PSD3: variants seen among roughly 807,000 people sequenced by gnomAD.
The protein encoded by PSD3 is pleckstrin and Sec7 domain containing 3, also known as PH and SEC7 domain-containing protein 3.
Under a neutral mutation model 105.5 loss-of-function variants are expected in PSD3, and 49 were observed. The observed-to-expected ratio is 0.46, with a 90% CI of 0.37 to 0.59. PSD3 has a LOEUF of 0.59. Ranked by LOEUF, PSD3 falls within the 20% of genes least tolerant of loss-of-function variation. PSD3 has a pLI of 0.00. For missense variants in PSD3, 1,561 were observed against 1,263.8 expected, an observed-to-expected ratio of 1.24 and a Z score of -3.57; for synonymous variants, 557 against 457.8, an observed-to-expected ratio of 1.22 and a Z score of -2.77.
chr8:18,886,700 G>A (rs1348514988), intron 2 of PSD3, among the ~76,000 whole-genome samples: 2 of 152,180 alleles, frequency 1.3e-5, no homozygotes, highest in Non-Finnish European at 2.9e-5. Flanking sequence ...TTAAAAAGAA[G>A]CAAGCTAATT....
chr8:18,592,218 G>A (rs954949412), intron 12 of PSD3, among the ~76,000 whole-genome samples: 2 of 152,110 alleles, frequency 1.3e-5, no homozygotes, highest in African/African-American at 4.8e-5. Context: ...ATATTTTCAA[G>A]CTGAAGAATA....
chr8:18,684,102 C>T (rs567219431), intron 9 of PSD3: 199 of 560,070 alleles, frequency 3.6e-4, no homozygotes, highest in African/African-American at 3.4e-3. Flanking sequence ...GCATCTTCAA[C>T]TACCCTGTTT....
intron 2 of PSD3, among the ~76,000 whole-genome samples, chr8:18,902,680 T>C (rs2129461137): frequency 6.6e-6 from 1 of 152,286 alleles, no homozygotes; most frequent in Admixed American, 6.5e-5. Flanking sequence ...ACTTTGACCT[T>C]CAGTAGGGTT....
rs577287237 is a variant in PSD3 at position 18,972,961 on chromosome 8, C to T, written c.22-36819G>A. 2.1e-4 allele frequency among the ~76,000 whole-genome samples: 32 copies of T among 152,286 alleles called. No homozygotes were observed. In the South Asian group the frequency reaches 6.4e-3, roughly 31 times the overall value. On this transcript the variant is annotated intron_variant, in intron 1 of 15. Coordinates refer to ENST00000327040, the MANE Select transcript of PSD3 (RefSeq NM_015310.4). ...TTTTAAAAAAATGATTTTCTAGATT[C>T]TGAAACAAATAAAAGCTGAAATTAA...
At chr8:18,875,407 G>C (rs1307668108) in intron 2 of PSD3, among the ~76,000 whole-genome samples, 1 of 151,784 alleles carries the variant, frequency 6.6e-6, no homozygotes, top group East Asian at 1.9e-4. Flanking sequence ...CTTCTTCCTA[G>C]GGTGGAATAT....
intron 14 of PSD3, among the ~76,000 whole-genome samples, chr8:18,560,773 A>C (rs1801347728): frequency 6.6e-6 from 1 of 152,206 alleles, no homozygotes; most frequent in Admixed American, 6.5e-5. Flanking sequence ...CAAAGCAATT[A>C]AAAAATGGGC....
intron 2 of PSD3, among the ~76,000 whole-genome samples, chr8:18,901,824 C>T (rs142197175): frequency 0.046 from 7,018 of 152,228 alleles, 202 homozygotes; most frequent in Admixed American, 0.08. Context: ...GGCAGTATTT[C>T]TCTTTCAGCT....
At chr8:18,957,167 T>C (rs963960178) in intron 1 of PSD3, among the ~76,000 whole-genome samples, 1 of 151,868 alleles carries the variant, frequency 6.6e-6, no homozygotes, top group Non-Finnish European at 1.5e-5. Context: ...GTCAAAGAGA[T>C]TGAGACCATC....
Position 18,529,342 on chromosome 8 carries a change from C to T in PSD3, c.*6401G>A, listed in dbSNP as rs951320352. ...TGCAGTTTCCACCCCCTCTGTTCAT[C>T]ACCTCTTTAGAATATTCTGGCTCTT... On this transcript the variant is annotated 3_prime_UTR_variant, in exon 16 of 16. Transcript: ENST00000327040. The T allele has an allele frequency of 1.3e-5, 2 of 152,214 alleles. No individual in the cohort carries two copies. Among genetic ancestry groups the T allele is most frequent in the African/African-American group, 4.8e-5 (2 of 41,454 alleles). The allele number at this position is 152,214 out of a possible 1,614,324, so 9.4% of individuals were successfully genotyped here.
chr8:18,538,543 T>C lies in PSD3; in HGVS notation c.2929-2585A>G, dbSNP rs116249108. On this transcript the variant is annotated intron_variant, in intron 15 of 15. Coordinates refer to ENST00000327040, the MANE Select transcript of PSD3 (RefSeq NM_015310.4). The stretch of plus-strand genomic sequence containing the variant: ...CCAACAGAAACAAAGTTTGGTAAAA[T>C]AGTCTAAAGGTAAGTTTAAAAATAG... Among the ~76,000 whole-genome samples the C allele has an allele frequency of 4.3e-3, 653 of 152,158 alleles. 6 individuals carry two copies. Among genetic ancestry groups the C allele is most frequent in the African/African-American group, 0.014 (600 of 41,510 alleles).
chr8:19,050,977 C>T (rs1032030360), intron 1 of PSD3, among the ~76,000 whole-genome samples: 2 of 152,176 alleles, frequency 1.3e-5, no homozygotes, highest in African/African-American at 4.8e-5. Flanking sequence ...AGAGAGTTTG[C>T]TTAAGATCTG....
At chr8:18,882,955 A>G (rs1818214842) in intron 2 of PSD3, among the ~76,000 whole-genome samples, 1 of 152,144 alleles carries the variant, frequency 6.6e-6, no homozygotes, top group African/African-American at 2.4e-5. Context: ...CTGTCTATAC[A>G]CAGAGAACAT....
intron 4 of PSD3, among the ~76,000 whole-genome samples, chr8:18,821,549 A>C (rs1812703406): frequency 6.6e-6 from 1 of 152,028 alleles, no homozygotes; most frequent in Non-Finnish European, 1.5e-5. Flanking sequence ...AGTTTTTCCT[A>C]ACAAAACTGA....
chr8:18,796,757 G>A (rs780335800), intron 8 of PSD3, among the ~76,000 whole-genome samples: 6 of 152,156 alleles, frequency 3.9e-5, no homozygotes, highest in Non-Finnish European at 5.9e-5. Context: ...GAAAGATCAT[G>A]CTGCAGTATT....
intron 9 of PSD3, among the ~76,000 whole-genome samples, chr8:18,712,198 C>T (rs1460395625): frequency 6.6e-6 from 1 of 151,962 alleles, no homozygotes; most frequent in East Asian, 1.9e-4. Flanking sequence ...AACAACCTAA[C>T]ATCACAACTA....
intron 9 of PSD3, among the ~76,000 whole-genome samples, chr8:18,677,887 G>A (rs973801281): frequency 2.0e-5 from 3 of 151,956 alleles, no homozygotes; most frequent in Admixed American, 6.5e-5. Context: ...GCGGGTGCCT[G>A]TAGTCCCAGC....
At chr8:18,718,072 G>A (rs1270730933) in intron 9 of PSD3, among the ~76,000 whole-genome samples, 1 of 152,132 alleles carries the variant, frequency 6.6e-6, no homozygotes, top group African/African-American at 2.4e-5. Flanking sequence ...ACATTCGGCA[G>A]AAATGGAATT....
intron 4 of PSD3, among the ~76,000 whole-genome samples, chr8:18,820,794 T>TG (rs1325808207): frequency 6.6e-6 from 1 of 152,186 alleles, no homozygotes; most frequent in East Asian, 1.9e-4. Flanking sequence ...GACAGCATCC[T>TG]GCTCTATCAC....
At chr8:18,673,564 G>A (rs1002566993) in intron 9 of PSD3, among the ~76,000 whole-genome samples, 5 of 152,072 alleles carry the variant, frequency 3.3e-5, no homozygotes, top group East Asian at 1.9e-4. Flanking sequence ...TTCTATCTCC[G>A]GCACAGCTGT....
Sources: gnomAD v4.1 joint callset for allele counts (sites outside exome capture counted in the v4.1 genomes callset) on GRCh38, gnomAD v4.1.1 for gene constraint, MANE v1.5 for transcripts, NCBI Gene and HGNC (gene_info 2026-07-23, HGNC 2026-07-21) for gene names.